Variants in BCAS3 observed in about 807,000 individuals in gnomAD.
BCAS3 encodes the protein BCAS4/BCAS3 fusion.
A neutral mutation model predicts 116.1 loss-of-function variants in BCAS3; 53 were observed. The observed-to-expected ratio is 0.46, with a 90% CI of 0.37 to 0.57. The LOEUF is 0.57. BCAS3 is among the 20% of genes least tolerant of loss of function. The pLI, the probability that BCAS3 is intolerant of heterozygous loss-of-function variation, is 0.00. For synonymous variants in BCAS3, 391 were observed against 408.2 expected (o/e 0.96, Z 0.51); for missense variants, 917 against 1,165.4 (o/e 0.79, Z 3.10).
At chr17:60,779,370 CTTTT>C (rs374528469) in intron 6 of BCAS3, among the ~76,000 whole-genome samples, 5 of 140,844 alleles carry the variant, frequency 3.6e-5, no homozygotes, top group Non-Finnish European at 6.2e-5. Flanking sequence ...TATTTTCTTT[CTTTT>C]TTTTTTTTTT....
intron 19 of BCAS3, among the ~76,000 whole-genome samples, chr17:61,052,691 G>T (rs1314899139): frequency 6.8e-6 from 1 of 147,958 alleles, no homozygotes; most frequent in Admixed American, 6.7e-5. Flanking sequence ...TAAGTCTGTT[G>T]TGAGTTTCTT....
In BCAS3 at chr17:61,213,963, T is replaced by C. The variant is rs760073014; in HGVS notation, c.2425+129399T>C. On this transcript the variant is annotated intron_variant, in intron 22 of 23. Transcript: ENST00000407086. The surrounding 1 kb of genome is among the most constrained non-coding windows in gnomAD (Gnocchi z 5.4). ...CAAGTGAGGAATTATGGCAGCCAAA[T>C]GTCTCCCAAAGTGAAAGACAAGAAA... Among the ~76,000 whole-genome samples the C allele has an allele frequency of 4.6e-5, 7 of 152,170 alleles. No homozygotes were observed. Among genetic ancestry groups the C allele is most frequent in the African/African-American group, 7.2e-5 (3 of 41,434 alleles).
chr17:60,907,616 G>A (rs1439624584), intron 11 of BCAS3, among the ~76,000 whole-genome samples: 2 of 152,164 alleles, frequency 1.3e-5, no homozygotes, highest in Non-Finnish European at 2.9e-5. Context: ...ATGTTCAGCT[G>A]TCTTACAGCT....
At chr17:61,255,586 C>T (rs1452946258) in intron 22 of BCAS3, among the ~76,000 whole-genome samples, 6 of 152,208 alleles carry the variant, frequency 3.9e-5, no homozygotes, top group Non-Finnish European at 7.3e-5. Flanking sequence ...AATGTTAGTG[C>T]TGAAATCAGA....
chr17:60,764,065 C>T (rs112699716), intron 6 of BCAS3, among the ~76,000 whole-genome samples: 6,652 of 151,910 alleles, frequency 0.044, 537 homozygotes, highest in African/African-American at 0.15. Context: ...TTTTTTATTG[C>T]GTCTATTTGA....
chr17:61,104,820 T>G lies in BCAS3; in HGVS notation c.2425+20256T>G, dbSNP rs557327076. ...TTTGCCCAGCCCTGGAGCAGAACAT[T>G]CTTAAAAGTAAGCCCAGTAAACCTA... is the stretch of plus-strand genomic sequence containing the variant. On this transcript the variant is annotated intron_variant, in intron 22 of 23. Coordinates refer to ENST00000407086, the MANE Select transcript of BCAS3 (RefSeq NM_017679.5). This position sits in a 1 kb window ranked among gnomAD's most constrained non-coding sequence, Gnocchi z 4.1. 2.6e-4 allele frequency among the ~76,000 whole-genome samples: 39 copies of G among 152,302 alleles called. No homozygotes were observed. The Middle Eastern group carries it at 0.02, about 80-fold the overall frequency.
intron 17 of BCAS3, among the ~76,000 whole-genome samples, chr17:61,036,814 C>T (rs894023231): frequency 6.6e-6 from 1 of 152,172 alleles, no homozygotes; most frequent in Non-Finnish European, 1.5e-5. Context: ...TATGGCTGAT[C>T]TTCATTTACC....
At chr17:60,888,420 G>A (rs2056889320) in intron 9 of BCAS3, among the ~76,000 whole-genome samples, 1 of 152,034 alleles carries the variant, frequency 6.6e-6, no homozygotes, top group South Asian at 2.1e-4. Flanking sequence ...TTTAAAAGGG[G>A]AAAAACTTTC....
intron 7 of BCAS3, chr17:60,811,250 C>A: frequency 1.1e-6 from 1 of 899,144 alleles, no homozygotes. Flanking sequence ...GCGCCAGGCC[C>A]AGGAGTAGGA....
chr17:60,827,666 A>G (rs2050552172), intron 7 of BCAS3, among the ~76,000 whole-genome samples: 1 of 152,210 alleles, frequency 6.6e-6, no homozygotes, highest in South Asian at 2.1e-4. Flanking sequence ...AAGCCATCAC[A>G]TTCCAATCAA....
intron 22 of BCAS3, among the ~76,000 whole-genome samples, chr17:61,359,750 C>G (rs1396139556): frequency 6.6e-6 from 1 of 152,136 alleles, no homozygotes; most frequent in African/African-American, 2.4e-5. Flanking sequence ...CTTGGCCTCC[C>G]GAAGTGCTGG....
intron 6 of BCAS3, among the ~76,000 whole-genome samples, chr17:60,764,091 T>C (rs940961471): frequency 3.3e-5 from 5 of 152,158 alleles, no homozygotes; most frequent in Non-Finnish European, 7.4e-5. Flanking sequence ...CTCTCTTTTC[T>C]TCTTTATTAG....
rs1215323047 is a variant in BCAS3, at chr17:61,377,555, A to C, written c.2593+9061A>C. On this transcript the variant is annotated intron_variant, in intron 23 of 23. Transcript: ENST00000407086. This position sits in a 1 kb window ranked among gnomAD's most constrained non-coding sequence, Gnocchi z 4.6. ...CATCAAGCAATGGGGTAAACCTGTG[A>C]CCCTGGGCAAGTGCCTTTCCCTCTC... 1.3e-5 allele frequency among the ~76,000 whole-genome samples: 2 copies of C among 152,012 alleles called. No individual in the cohort carries two copies. Among genetic ancestry groups the C allele is most frequent in the African/African-American group, 4.8e-5 (2 of 41,376 alleles).
In BCAS3 at chr17:61,006,504, T is replaced by C. The variant is rs541555500; in HGVS notation, c.1487-9247T>C. ...TTTTCCATCTACAGTAAAGCATTTC[T>C]ATTTACTCTGTTGATATACAAAATT... On this transcript the variant is annotated intron_variant, in intron 15 of 23. Coordinates refer to ENST00000407086, the MANE Select transcript of BCAS3 (RefSeq NM_017679.5). 5.9e-5 allele frequency among the ~76,000 whole-genome samples: 9 copies of C among 152,272 alleles called. No individual in the cohort carries two copies. In the South Asian group the frequency reaches 1.7e-3, roughly 28 times the overall value.
At position 61,367,250 on chromosome 17, in the gene BCAS3, T is replaced by C. The variant is rs1443185504; in HGVS notation, c.2426-1077T>C. On this transcript the variant is annotated intron_variant, in intron 22 of 23. Transcript: ENST00000407086. The surrounding 1 kb of genome is among the most constrained non-coding windows in gnomAD (Gnocchi z 6.2). ...CGATGCTGGCAGGAACCAAGCCCAA[T>C]AAATGCAGTGGATTCAGTTACCTAA... is the stretch of plus-strand genomic sequence containing the variant. Among the ~76,000 whole-genome samples, 1 of 152,200 alleles carries C rather than the reference T, an allele frequency of 6.6e-6. No homozygotes were observed. The highest frequency in any genetic ancestry group is 6.5e-5 in the Admixed American group (1 of 15,282).
At chr17:60,886,766 GA>G (rs2056681637) in intron 9 of BCAS3, among the ~76,000 whole-genome samples, 1 of 151,370 alleles carries the variant, frequency 6.6e-6, no homozygotes, top group Non-Finnish European at 1.5e-5. Context: ...CGGGGGTCAG[GA>G]GTCAGGGACC....
chr17:61,133,273 G>C (rs890330446), intron 22 of BCAS3, among the ~76,000 whole-genome samples: 3 of 152,190 alleles, frequency 2.0e-5, no homozygotes, highest in African/African-American at 7.2e-5. Context: ...ACTAAGAAAA[G>C]GGTTGGGTAA....
chr17:60,923,464 A>G (rs936716922), intron 12 of BCAS3, among the ~76,000 whole-genome samples: 14 of 152,186 alleles, frequency 9.2e-5, no homozygotes, highest in African/African-American at 3.4e-4. Context: ...TGTATCTTTC[A>G]GGGCAGGAAT....
intron 7 of BCAS3, among the ~76,000 whole-genome samples, chr17:60,854,603 A>G (rs1021852154): frequency 3.3e-5 from 5 of 152,228 alleles, no homozygotes; most frequent in Non-Finnish European, 7.3e-5. Context: ...AATGCTCATT[A>G]TCACTGGCCA....
Sources: gnomAD v4.1 joint callset for allele counts (sites outside exome capture counted in the v4.1 genomes callset) on GRCh38, gnomAD v4.1.1 for gene constraint, Gnocchi (gnomAD v3.1) non-coding constraint, MANE v1.5 for transcripts, NCBI Gene and HGNC (gene_info 2026-07-23, HGNC 2026-07-21) for gene names.